Variants in BTBD9 observed in about 807,000 individuals in gnomAD.
BTBD9 encodes BTB/POZ domain-containing protein 9.
A neutral mutation model predicts 64.3 loss-of-function variants in BTBD9; 49 were observed. That is an observed-to-expected ratio of 0.76 (90% CI 0.61 to 0.97). The LOEUF (loss-of-function observed/expected upper bound fraction) is 0.97, where lower values mean the gene tolerates loss of function less well. Among genes scored for constraint, BTBD9 ranks in the 50% least tolerant of loss-of-function variants. The pLI, the probability that BTBD9 is intolerant of heterozygous loss-of-function variation, is 0.00. For missense variants in BTBD9, 598 were observed against 762.1 expected, an observed-to-expected ratio of 0.78 and a Z score of 2.53; for synonymous variants, 260 against 274.7, an observed-to-expected ratio of 0.95 and a Z score of 0.53.
At chr6:38,301,929 C>G (rs1762418513) in intron 7 of BTBD9, among the ~76,000 whole-genome samples, 1 of 152,100 alleles carries the variant, frequency 6.6e-6, no homozygotes, top group South Asian at 2.1e-4. Context: ...TCTTGCTTCT[C>G]TAGTTCTTTT....
At chr6:38,575,930 C>T (rs752231966) in intron 6 of BTBD9, among the ~76,000 whole-genome samples, 4 of 151,990 alleles carry the variant, frequency 2.6e-5, no homozygotes, top group African/African-American at 7.2e-5. Context: ...TATAATAATG[C>T]TCACTAATAT....
At chr6:38,305,963 A>G (rs1018919292) in intron 7 of BTBD9, among the ~76,000 whole-genome samples, 3 of 152,182 alleles carry the variant, frequency 2.0e-5, no homozygotes, top group African/African-American at 7.2e-5. Context: ...TCTTTCTAGA[A>G]ACACAAACCT....
intron 6 of BTBD9, among the ~76,000 whole-genome samples, chr6:38,356,400 AT>A (rs1764729869): frequency 6.6e-6 from 1 of 151,828 alleles, no homozygotes; most frequent in East Asian, 1.9e-4. Context: ...TATTTGCCAT[AT>A]TTTTGTCATC....
chr6:38,531,209 C>T (rs910019065), intron 6 of BTBD9, among the ~76,000 whole-genome samples: 1 of 152,110 alleles, frequency 6.6e-6, no homozygotes, highest in Non-Finnish European at 1.5e-5. Flanking sequence ...AAGAAAGAAA[C>T]AACATTCAAA....
chr6:38,242,518 C>G lies in BTBD9; in HGVS notation c.1562+13891G>C, dbSNP rs1764027456. Among the ~76,000 whole-genome samples the G allele has an allele frequency of 2.0e-5, 3 of 152,170 alleles. No individual in the cohort carries two copies. In the South Asian group the frequency reaches 6.2e-4, roughly 31 times the overall value. Reference sequence around the variant, plus strand: ...GGCTTGGGCTATGATTTCCAAGGTACTTCTACCAGTTACAGTATTGTTTGA... The same window carrying G: ...GGCTTGGGCTATGATTTCCAAGGTAGTTCTACCAGTTACAGTATTGTTTGA... On this transcript the variant is annotated intron_variant, in intron 9 of 10. Coordinates refer to ENST00000481247, the MANE Select transcript of BTBD9 (RefSeq NM_001099272.2).
At chr6:38,489,308 A>T (rs1414451637) in intron 6 of BTBD9, among the ~76,000 whole-genome samples, 1 of 152,144 alleles carries the variant, frequency 6.6e-6, no homozygotes, top group Admixed American at 6.5e-5. Flanking sequence ...TCTACAAAAA[A>T]ATTTAAAAAT....
intron 10 of BTBD9, among the ~76,000 whole-genome samples, chr6:38,180,707 C>T (rs763567601): frequency 6.6e-6 from 1 of 152,198 alleles, no homozygotes; most frequent in Non-Finnish European, 1.5e-5. Context: ...TTACTCTGGC[C>T]GCCGCATCAG....
intron 6 of BTBD9, among the ~76,000 whole-genome samples, chr6:38,539,012 C>T (rs910828471): frequency 3.3e-5 from 5 of 152,058 alleles, no homozygotes; most frequent in African/African-American, 4.8e-5. Context: ...GCCCATGTTG[C>T]CCAGGATGGT....
intron 6 of BTBD9, among the ~76,000 whole-genome samples, chr6:38,417,934 TC>T (rs1027805769): frequency 7.2e-5 from 11 of 152,344 alleles, no homozygotes; most frequent in Middle Eastern, 6.8e-3. Flanking sequence ...GCTAACTTTT[TC>T]CCAAAGGGGA....
chr6:38,550,127 CAA>C (rs1774731070), intron 6 of BTBD9, among the ~76,000 whole-genome samples: 3 of 152,074 alleles, frequency 2.0e-5, no homozygotes, highest in African/African-American at 7.2e-5. Flanking sequence ...GACATATATT[CAA>C]CTTCCTCTTC....
At chr6:38,437,310 G>A (rs1257259177) in intron 6 of BTBD9, among the ~76,000 whole-genome samples, 2 of 152,078 alleles carry the variant, frequency 1.3e-5, no homozygotes, top group East Asian at 1.9e-4. Context: ...ATAGAGAAGC[G>A]GGGTGGTCCT....
intron 6 of BTBD9, among the ~76,000 whole-genome samples, chr6:38,358,394 C>T (rs1764815236): frequency 6.6e-6 from 1 of 152,184 alleles, no homozygotes. Flanking sequence ...CTTCCTGATG[C>T]CCCAGCTTAG....
chr6:38,222,450 G>T (rs550350937), intron 9 of BTBD9, among the ~76,000 whole-genome samples: 2 of 151,722 alleles, frequency 1.3e-5, no homozygotes, highest in East Asian at 3.9e-4. Context: ...TAGTAGAGAC[G>T]GGGTTTCACC....
At chr6:38,351,594 TG>T (rs1764517279) in intron 6 of BTBD9, among the ~76,000 whole-genome samples, 1 of 138,976 alleles carries the variant, frequency 7.2e-6, no homozygotes, top group Non-Finnish European at 1.5e-5. Flanking sequence ...CTCCGCCTCC[TG>T]GGTTCACGCC....
At chr6:38,354,881 A>C (rs986463892) in intron 6 of BTBD9, among the ~76,000 whole-genome samples, 2 of 152,084 alleles carry the variant, frequency 1.3e-5, no homozygotes, top group African/African-American at 4.8e-5. Context: ...ACAGAAATGC[A>C]AACAATAACA....
intron 10 of BTBD9, among the ~76,000 whole-genome samples, chr6:38,177,402 G>GC (rs1431644241): frequency 7.2e-5 from 11 of 152,284 alleles, no homozygotes; most frequent in African/African-American, 2.6e-4. Context: ...CCCGCTGCCT[G>GC]CCTCCTTCTA....
At chr6:38,316,561 G>T (rs1189469243) in intron 7 of BTBD9, among the ~76,000 whole-genome samples, 1 of 152,092 alleles carries the variant, frequency 6.6e-6, no homozygotes, top group Non-Finnish European at 1.5e-5. Flanking sequence ...CAAGAAAAAA[G>T]AAGACTAATA....
At chr6:38,210,004 G>A (rs1273068704) in intron 9 of BTBD9, among the ~76,000 whole-genome samples, 2 of 152,140 alleles carry the variant, frequency 1.3e-5, no homozygotes, top group Non-Finnish European at 2.9e-5. Context: ...ATATTCTAAC[G>A]CTGTGGCAGC....
At chr6:38,177,833 T>C (rs1474427419) in intron 10 of BTBD9, among the ~76,000 whole-genome samples, 1 of 152,260 alleles carries the variant, frequency 6.6e-6, no homozygotes, top group East Asian at 1.9e-4. Flanking sequence ...TGGCTGTTAC[T>C]CCCAACACAC....
Sources: gnomAD v4.1 joint callset for allele counts (sites outside exome capture counted in the v4.1 genomes callset) on GRCh38, gnomAD v4.1.1 for gene constraint, MANE v1.5 for transcripts, NCBI Gene and HGNC (gene_info 2026-07-23, HGNC 2026-07-21) for gene names.